The following SLC20A2 variants were observed in gnomAD, a reference collection of about 807,000 sequenced individuals.
The protein encoded by SLC20A2 is sodium-dependent phosphate transporter 2.
In SLC20A2, 30 loss-of-function variants were observed where a neutral mutation model predicts 61.0. That is an observed-to-expected ratio of 0.49 (90% CI 0.37 to 0.67). The LOEUF (loss-of-function observed/expected upper bound fraction) is 0.67. Among genes scored for constraint, SLC20A2 ranks in the 30% least tolerant of loss-of-function variants. The pLI is 0.00. For synonymous variants in SLC20A2, 351 were observed against 353.3 expected (o/e 0.99, Z 0.07); for missense variants, 626 against 866.4 (o/e 0.72, Z 3.48).
intron 5 of SLC20A2, among the ~76,000 whole-genome samples, chr8:42,457,233 T>TA (rs966309791): frequency 2.6e-5 from 4 of 151,902 alleles, no homozygotes; most frequent in African/African-American, 4.8e-5. Context: ...CAGCCTCACT[T>TA]AAAAAAAATT....
chr8:42,468,358 A>C (rs577700961), intron 2 of SLC20A2, among the ~76,000 whole-genome samples: 2 of 152,246 alleles, frequency 1.3e-5, no homozygotes, highest in South Asian at 4.1e-4. Context: ...TTTGTAAAGA[A>C]AGGTAGGGAG....
intron 1 of SLC20A2, among the ~76,000 whole-genome samples, chr8:42,483,435 GCA>G (rs1335901735): frequency 6.6e-6 from 1 of 152,198 alleles, no homozygotes; most frequent in Non-Finnish European, 1.5e-5. Context: ...GGAATAGGTT[GCA>G]GCCCACCGAA....
At position 42,439,558 on chromosome 8, in the gene SLC20A2, C is replaced by CTG; in HGVS notation, c.824_825dup (p.Gly276GlnfsTer43). 6.2e-7 allele frequency: 1 copy of CTG among 1,614,222 alleles called. No individual in the cohort carries two copies. The highest frequency in any genetic ancestry group is 1.1e-5 in the South Asian group (1 of 91,086). ...GTGCTGTCATCATTAGCCTTGGCACCTGGTAGCTCTTTAAATACTGGGGAC... is the reference window on the plus strand; with the variant it reads ...GTGCTGTCATCATTAGCCTTGGCACCTGTGGTAGCTCTTTAAATACTGGGGAC... On this transcript the variant is annotated frameshift_variant, in exon 7 of 11. Coordinates refer to ENST00000520262, the MANE Select transcript of SLC20A2 (RefSeq NM_001257180.2). LOFTEE classifies it high-confidence loss of function.
chr8:42,523,427 CAAGTA>C (rs1811723669), intron 1 of SLC20A2, among the ~76,000 whole-genome samples: 1 of 152,124 alleles, frequency 6.6e-6, no homozygotes, highest in Non-Finnish European at 1.5e-5. Flanking sequence ...AAATTCAATG[CAAGTA>C]AATGGGTATT....
intron 1 of SLC20A2, among the ~76,000 whole-genome samples, chr8:42,500,139 G>A (rs1224211230): frequency 6.6e-6 from 1 of 152,106 alleles, no homozygotes; most frequent in African/African-American, 2.4e-5. Context: ...CTATCCTATC[G>A]CCTAGGAGAA....
chr8:42,519,488 G>A (rs889716263), intron 1 of SLC20A2, among the ~76,000 whole-genome samples: 10 of 149,790 alleles, frequency 6.7e-5, no homozygotes, highest in African/African-American at 9.8e-5. Context: ...CGCCACTTTC[G>A]GAGATTTTAA....
At chr8:42,509,857 C>T (rs1309109421) in intron 1 of SLC20A2, among the ~76,000 whole-genome samples, 1 of 152,136 alleles carries the variant, frequency 6.6e-6, no homozygotes. Flanking sequence ...CTAATACCAC[C>T]TTATGTGATA....
intron 1 of SLC20A2, among the ~76,000 whole-genome samples, chr8:42,487,679 G>C (rs1179118520): frequency 6.6e-6 from 1 of 152,014 alleles, no homozygotes; most frequent in East Asian, 1.9e-4. Flanking sequence ...TTGTCATCTT[G>C]GTTATTATAC....
intron 1 of SLC20A2, among the ~76,000 whole-genome samples, chr8:42,527,572 G>A (rs571101418): frequency 6.6e-6 from 1 of 151,986 alleles, no homozygotes; most frequent in South Asian, 2.1e-4. Flanking sequence ...GAGGTTGGGA[G>A]TTCAAGACCA....
At chr8:42,519,332 T>C (rs2131395858) in intron 1 of SLC20A2, among the ~76,000 whole-genome samples, 1 of 152,048 alleles carries the variant, frequency 6.6e-6, no homozygotes, top group East Asian at 1.9e-4. Context: ...TAGTCCCAGC[T>C]ACTCGGGAAG....
intron 1 of SLC20A2, among the ~76,000 whole-genome samples, chr8:42,515,071 T>C (rs748617800): frequency 3.3e-5 from 5 of 152,252 alleles, no homozygotes; most frequent in Non-Finnish European, 5.9e-5. Context: ...ATTGATCTCA[T>C]TGATTTTTCC....
intron 1 of SLC20A2, among the ~76,000 whole-genome samples, chr8:42,494,380 A>G (rs1011796197): frequency 2.0e-5 from 3 of 152,202 alleles, no homozygotes; most frequent in African/African-American, 7.2e-5. Context: ...TTTAAAGAGA[A>G]AGTTTTCTAT....
intron 1 of SLC20A2, among the ~76,000 whole-genome samples, chr8:42,490,364 G>T (rs759685004): frequency 6.6e-6 from 1 of 152,156 alleles, no homozygotes; most frequent in Non-Finnish European, 1.5e-5. Context: ...TTGAGAGGCC[G>T]AGGCGGGTGG....
chr8:42,518,565 C>T (rs907654008), intron 1 of SLC20A2, among the ~76,000 whole-genome samples: 5 of 152,210 alleles, frequency 3.3e-5, no homozygotes, highest in African/African-American at 1.2e-4. Flanking sequence ...GAGGAATTCA[C>T]ATCAGGCTAT....
chr8:42,431,337 T>G (rs1247851468), intron 8 of SLC20A2, among the ~76,000 whole-genome samples: 1 of 151,316 alleles, frequency 6.6e-6, no homozygotes. Context: ...CAACATTCCC[T>G]TAAGTCAAAG....
At chr8:42,536,989 T>C (rs879775713) in intron 1 of SLC20A2, among the ~76,000 whole-genome samples, 5 of 151,510 alleles carry the variant, frequency 3.3e-5, no homozygotes, top group Non-Finnish European at 7.4e-5. Context: ...GCAGAAGAAT[T>C]GCTTGAATCC....
At chr8:42,459,797 G>A in intron 5 of SLC20A2, 99 bp downstream of exon 5, 2 of 766,876 alleles carry the variant, frequency 2.6e-6, no homozygotes, top group South Asian at 1.6e-5. Context: ...CATGAGTAAT[G>A]CTTTTTACTG....
chr8:42,477,685 C>A (rs1392478014), intron 1 of SLC20A2, among the ~76,000 whole-genome samples: 1 of 151,696 alleles, frequency 6.6e-6, no homozygotes, highest in Non-Finnish European at 1.5e-5. Flanking sequence ...GTTGGCCAGG[C>A]TGGTCTTGAA....
chr8:42,459,235 C>CAAAAAAAAAAAA (rs756966778), intron 5 of SLC20A2, among the ~76,000 whole-genome samples: 107 of 35,866 alleles, frequency 3.0e-3, no homozygotes, highest in Middle Eastern at 0.018. Context: ...GACTCTATCT[C>CAAAAAAAAAAAA]AAAAAAAAAA....
Sources: gnomAD v4.1 joint callset for allele counts (sites outside exome capture counted in the v4.1 genomes callset) on GRCh38, gnomAD v4.1.1 for gene constraint, MANE v1.5 for transcripts, NCBI Gene and HGNC (gene_info 2026-07-23, HGNC 2026-07-21) for gene names.